Variants in TARM1 observed in about 807,000 individuals in gnomAD.
The protein encoded by TARM1 is T cell-interacting, activating receptor on myeloid cells 1.
Under a neutral mutation model 30.4 loss-of-function variants are expected in TARM1, and 24 were observed. That is an observed-to-expected ratio of 0.79 (90% confidence interval 0.57 to 1.11). The LOEUF is 1.11. TARM1 is among the 50% of genes least tolerant of loss of function. The pLI, the probability that TARM1 is intolerant of heterozygous loss-of-function variation, is 0.00. For synonymous variants in TARM1, 129 were observed against 138.9 expected, an observed-to-expected ratio of 0.93 and a Z score of 0.50; for missense variants, 323 against 332.8, an observed-to-expected ratio of 0.97 and a Z score of 0.23.
rs915126618 is a variant in TARM1, at chr19:54,071,728, G to A, written c.659-1568C>T. Among the ~76,000 whole-genome samples the A allele has an allele frequency of 6.6e-5, 10 of 152,104 alleles. No homozygotes were observed. In the South Asian group the frequency reaches 1.7e-3, roughly 25 times the overall value. On this transcript the variant is annotated intron_variant, in intron 4 of 4. Coordinates refer to ENST00000432826, the MANE Select transcript of TARM1 (RefSeq NM_001135686.3). ...CCAGCTACTCAGGAGGCTGAGGCAG[G>A]AGAATTACTTGACCTGGGCCTGGGG...
At chr19:54,079,871 G>A (rs1568511007) in intron 1 of TARM1, among the ~76,000 whole-genome samples, 1 of 151,698 alleles carries the variant, frequency 6.6e-6, no homozygotes. Context: ...CGGGTGTGTG[G>A]TGGGCACCTG....
At chr19:54,076,252 T>C in intron 1 of TARM1, 1 of 1,502,568 alleles carries the variant, frequency 6.7e-7, no homozygotes, top group Non-Finnish European at 8.9e-7. Context: ...TTTCCTTTCT[T>C]TCTTTCTTTT....
rs587607734 is a variant in TARM1, at chr19:54,080,210, C to T, written c.34+1097G>A. Among the ~76,000 whole-genome samples, 126 of 149,002 alleles carry T rather than the reference C, an allele frequency of 8.5e-4. 2 individuals carry two copies. Among genetic ancestry groups the T allele is most frequent in the African/African-American group, 3.0e-3 (122 of 40,654 alleles). On this transcript the variant is annotated intron_variant, in intron 1 of 4. Transcript: ENST00000432826. ...AAGCAAGCAGGCAAGCAAGCGGGGGCTCACGCCTGTAATCCCAGCACTTTG... is the reference window on the plus strand; with the variant it reads ...AAGCAAGCAGGCAAGCAAGCGGGGGTTCACGCCTGTAATCCCAGCACTTTG...
rs1488961633 is a variant in TARM1 at position 54,074,956 on chromosome 19, C to G, written c.229G>C (p.Glu77Gln). Residue 77 changes from glutamate to glutamine, a missense_variant, in exon 3 of 5, where the codon GAG becomes CAG. Glu to Gln is a conservative substitution (Grantham distance 29). Transcript: ENST00000432826. ...TTGAGGTGAAATTCGGCCGCGCCCTCTGTAGAATCAAGGGGCTTCGGGGAC... is the reference window on the plus strand; with the variant it reads ...TTGAGGTGAAATTCGGCCGCGCCCTGTGTAGAATCAAGGGGCTTCGGGGAC... The part of the protein sequence containing the change: ...LESPKPLDST[E>Q]GAAEFHLNNL... 8.4e-6 allele frequency: 13 copies of G among 1,551,474 alleles called. No homozygotes were observed. In the African/African-American group the frequency reaches 9.6e-5, roughly 11 times the overall value.
intron 1 of TARM1, among the ~76,000 whole-genome samples, chr19:54,077,011 C>A (rs2071971957): frequency 6.6e-6 from 1 of 152,176 alleles, no homozygotes; most frequent in African/African-American, 2.4e-5. Flanking sequence ...ATACGTTCCT[C>A]CCTGTTTCAC....
chr19:54,077,615 C>T (rs1239409912), intron 1 of TARM1, among the ~76,000 whole-genome samples: 1 of 151,904 alleles, frequency 6.6e-6, no homozygotes, highest in African/African-American at 2.4e-5. Context: ...ACTGACACTT[C>T]AAGTTTTGCA....
chr19:54,077,062 G>T (rs1434038620), intron 1 of TARM1, among the ~76,000 whole-genome samples: 1 of 151,478 alleles, frequency 6.6e-6, no homozygotes, highest in East Asian at 1.9e-4. Flanking sequence ...AATTTTTTTT[G>T]ATAGAGACAG....
In TARM1 at chr19:54,074,070, G is replaced by C. The variant is rs367970509; in HGVS notation, c.508C>G (p.Gln170Glu). 67 of 1,551,682 alleles carry C rather than the reference G, an allele frequency of 4.3e-5. No individual in the cohort carries two copies. The Middle Eastern group carries it at 5.0e-4, about 12-fold the overall frequency. ...LLKAGTPSPI[Q>E]LQSPAGKEID... The stretch of plus-strand genomic sequence containing the variant: ...TCCTTCCCCGCTGGACTCTGCAGCT[G>C]GATGGGTGATGGCGTCCCTGCCTTC... Residue 170 changes from glutamine (Q) to glutamate (E), a missense_variant, in exon 4 of 5, where the codon CAG (glutamine) becomes GAG (glutamate). By Grantham distance (29) the Gln-to-Glu change is conservative (BLOSUM62 2). Coordinates refer to ENST00000432826, the MANE Select transcript of TARM1 (RefSeq NM_001135686.3).
chr19:54,076,032 C>G (rs1279457035), intron 1 of TARM1, 114 bp from the exon 2 acceptor site: 2 of 1,458,780 alleles, frequency 1.4e-6, no homozygotes, highest in Non-Finnish European at 1.8e-6. Flanking sequence ...CCTTAGAGGT[C>G]ATACGCTCAG....
intron 1 of TARM1, among the ~76,000 whole-genome samples, chr19:54,080,117 AAGG>A (rs2072069108): frequency 1.7e-4 from 6 of 36,336 alleles, no homozygotes; most frequent in Admixed American, 2.5e-4. Flanking sequence ...GGAAGGAAGG[AAGG>A]AAGGAAGGAA....
intron 1 of TARM1, 84 bp downstream of exon 1, chr19:54,081,223 T>G: frequency 2.2e-6 from 3 of 1,339,574 alleles, no homozygotes; most frequent in Non-Finnish European, 3.1e-6. Flanking sequence ...CCAAAGTTGA[T>G]GTTATTATTT....
intron 1 of TARM1, chr19:54,076,335 T>TTTCTTTCATTCATTCA (rs1193424575): frequency 2.2e-4 from 113 of 506,624 alleles, no homozygotes; most frequent in Non-Finnish European, 1.9e-4. Flanking sequence ...TTTTTCTTTC[T>TTTCTTTCATTCATTCA]TTCTTTCTTT....
chr19:54,074,630 C>G (rs1411897455), intron 3 of TARM1, among the ~76,000 whole-genome samples, 194 bp downstream of exon 3: 1 of 152,188 alleles, frequency 6.6e-6, no homozygotes, highest in Non-Finnish European at 1.5e-5. Context: ...TTGCAGTGAG[C>G]CGAGATGGCA....
At chr19:54,073,702 A>C (rs2146209862) in intron 4 of TARM1, among the ~76,000 whole-genome samples, 1 of 152,088 alleles carries the variant, frequency 6.6e-6, no homozygotes, top group South Asian at 2.1e-4. Context: ...TATGTTGGCC[A>C]GGCTGGTCTC....
rs193011417 is a variant in TARM1 at position 54,073,226 on chromosome 19, C to T, written c.658+694G>A. Among the ~76,000 whole-genome samples the T allele has an allele frequency of 2.6e-5, 4 of 151,618 alleles. 1 individual carries two copies. The highest frequency in any genetic ancestry group is 5.9e-5 in the Non-Finnish European group (4 of 67,906). ...GAGTTCAAGACCAGCCTGGTCAACA[C>T]GGTGAAACCTTCATCGCTACTAAAA... On this transcript the variant is annotated intron_variant, in intron 4 of 4. Transcript: ENST00000432826.
intron 1 of TARM1, among the ~76,000 whole-genome samples, chr19:54,079,095 A>T (rs1291265264): frequency 6.6e-5 from 9 of 135,384 alleles, no homozygotes; most frequent in African/African-American, 2.8e-4. Context: ...TCTCTACTAA[A>T]AAAAAAAAAA....
chr19:54,074,343 C>A lies in TARM1; in HGVS notation c.362-127G>T. On this transcript the variant is annotated intron_variant, in intron 3 of 4. Coordinates refer to ENST00000432826, the MANE Select transcript of TARM1 (RefSeq NM_001135686.3). ...GAGATTCCTGATCTCTTCTACCTTC[C>A]TCCACTTCCTACTCCGACCCCAGGA... The A allele has an allele frequency of 1.4e-5, 13 of 901,642 alleles. No homozygotes were observed. The South Asian group carries it at 2.2e-4, about 15-fold the overall frequency. The allele number at this position is 901,642 out of a possible 1,614,324, so 55.9% of individuals were successfully genotyped here.
chr19:54,070,010 G>T lies in TARM1; in HGVS notation c.809C>A (p.Pro270Gln), dbSNP rs2071768048. 1.3e-6 allele frequency: 2 copies of T among 1,551,058 alleles called. No individual in the cohort carries two copies. The highest frequency in any genetic ancestry group is 1.7e-6 in the Non-Finnish European group (2 of 1,146,648). Residue 270 changes from proline to glutamine, a missense_variant, in exon 5 of 5, where the codon CCA becomes CAA. By Grantham distance (76) the Pro-to-Gln change is moderately conservative. Coordinates refer to ENST00000432826, the MANE Select transcript of TARM1 (RefSeq NM_001135686.3). ...VSPGESEAFK[P>Q]E is the part of the protein sequence containing the mutation. ...CCCCGGTTCAAGATGGAGTCACTCT[G>T]GTTTGAAGGCCTCTGATTCACCTGG...
intron 3 of TARM1, among the ~76,000 whole-genome samples, chr19:54,074,445 G>A (rs1443078622): frequency 6.6e-6 from 1 of 152,226 alleles, no homozygotes; most frequent in Non-Finnish European, 1.5e-5. Flanking sequence ...CACTTTGGGA[G>A]GCCAAGGCGG....
Sources: allele counts gnomAD v4.1 joint callset (sites outside exome capture counted in the v4.1 genomes callset), GRCh38; gene constraint gnomAD v4.1.1; transcripts MANE v1.5; gene names NCBI Gene and HGNC (gene_info 2026-07-23, HGNC 2026-07-21).